Variants in LNX2 observed in about 807,000 individuals in gnomAD.
LNX2 encodes the protein ligand of Numb protein X 2.
LNX2 carries 35 observed loss-of-function variants against 66.2 expected under a neutral mutation model. The ratio of observed to expected loss-of-function variants is 0.53; its 90% CI spans 0.40 to 0.70. LNX2 has a LOEUF of 0.70. LNX2 is among the 30% of genes least tolerant of loss of function. The pLI is 0.00. For missense variants in LNX2, 791 were observed against 850.8 expected, an observed-to-expected ratio of 0.93 and a Z score of 0.87; for synonymous variants, 337 against 315.6, an observed-to-expected ratio of 1.07 and a Z score of -0.72.
At chr13:27,580,788 T>C (rs1343052787) in intron 2 of LNX2, among the ~76,000 whole-genome samples, 1 of 152,208 alleles carries the variant, frequency 6.6e-6, no homozygotes, top group Non-Finnish European at 1.5e-5. Flanking sequence ...GGCTGCATAA[T>C]ATCCCACTGA....
chr13:27,568,610 C>T (rs2138359218), intron 3 of LNX2, among the ~76,000 whole-genome samples: 1 of 152,192 alleles, frequency 6.6e-6, no homozygotes, highest in Admixed American at 6.5e-5. Context: ...ATGTTACAAG[C>T]ATCTAAATAG....
intron 5 of LNX2, among the ~76,000 whole-genome samples, chr13:27,561,476 T>A (rs894848059): frequency 6.6e-6 from 1 of 152,206 alleles, no homozygotes; most frequent in Non-Finnish European, 1.5e-5. Flanking sequence ...TAATGTTGCC[T>A]TTGATTTGAG....
chr13:27,583,239 T>TGC lies in LNX2; in HGVS notation c.-100-1437_-100-1436insGC, dbSNP rs1955435427. Among the ~76,000 whole-genome samples, 5 of 17,692 alleles carry TGC rather than the reference T, an allele frequency of 2.8e-4. 1 individual carries two copies. Among genetic ancestry groups the TGC allele is most frequent in the Admixed American group, 6.1e-4 (1 of 1,630 alleles). The allele number at this position is 17,692 out of a possible 152,430, so 11.6% of individuals were successfully genotyped here. The stretch of plus-strand genomic sequence containing the variant: ...GTGTGTGTGTGTGTGTGTGTGTGTG[T>TGC]GTGTGTGTGTGTGTGTGCGCGCGTC... On this transcript the variant is annotated intron_variant, in intron 1 of 9. Coordinates refer to ENST00000316334, the MANE Select transcript of LNX2 (RefSeq NM_153371.4).
intron 1 of LNX2, among the ~76,000 whole-genome samples, chr13:27,590,304 G>A (rs921821877): frequency 2.6e-5 from 4 of 151,736 alleles, no homozygotes; most frequent in Non-Finnish European, 5.9e-5. Context: ...GTGCAATCTC[G>A]GCTCACTGCA....
At position 27,553,203 on chromosome 13, in the gene LNX2, A is replaced by G. The variant is rs774066192; in HGVS notation, c.1778+5T>C. Reference sequence around the variant, plus strand: ...TCCATAAAGCAACAAGAAAGCGCTCAGTACCTGGGAAGCCCAAGCCACATG... The same window carrying G: ...TCCATAAAGCAACAAGAAAGCGCTCGGTACCTGGGAAGCCCAAGCCACATG... On this transcript the variant is annotated splice_donor_5th_base_variant and intron_variant, in intron 8 of 9. Coordinates refer to ENST00000316334, the MANE Select transcript of LNX2 (RefSeq NM_153371.4). 24 of 1,612,686 alleles carry G rather than the reference A, an allele frequency of 1.5e-5. No homozygotes were observed. In the Admixed American group the frequency reaches 4.0e-4, roughly 27 times the overall value.
At chr13:27,565,580 G>A (rs1955194713) in intron 4 of LNX2, among the ~76,000 whole-genome samples, 1 of 152,184 alleles carries the variant, frequency 6.6e-6, no homozygotes, top group Non-Finnish European at 1.5e-5. Flanking sequence ...TGCAGCTAAA[G>A]TACTAATATC....
At chr13:27,604,893 T>C (rs1035833233) in intron 1 of LNX2, among the ~76,000 whole-genome samples, 1 of 150,766 alleles carries the variant, frequency 6.6e-6, no homozygotes, top group African/African-American at 2.4e-5. Context: ...GGTGCTGACC[T>C]ACTGAATTTT....
intron 6 of LNX2, among the ~76,000 whole-genome samples, chr13:27,556,700 G>A (rs1416946857): frequency 6.6e-6 from 1 of 152,140 alleles, no homozygotes; most frequent in East Asian, 1.9e-4. Flanking sequence ...TAATTTGTTT[G>A]AGCTTCATGT....
intron 1 of LNX2, among the ~76,000 whole-genome samples, chr13:27,600,840 T>C (rs1005982804): frequency 6.6e-6 from 1 of 152,200 alleles, no homozygotes; most frequent in Admixed American, 6.5e-5. Flanking sequence ...CCAATCACAG[T>C]AGCCAGGGAC....
chr13:27,583,126 T>G (rs1026631537), intron 1 of LNX2, among the ~76,000 whole-genome samples: 1 of 150,948 alleles, frequency 6.6e-6, no homozygotes, highest in African/African-American at 2.4e-5. Context: ...TTTCACCTCA[T>G]AGTATTCCAT....
At chr13:27,589,566 A>C (rs1955526556) in intron 1 of LNX2, among the ~76,000 whole-genome samples, 1 of 151,768 alleles carries the variant, frequency 6.6e-6, no homozygotes, top group Non-Finnish European at 1.5e-5. Flanking sequence ...AAAATTTTAA[A>C]CCCCCTTCAC....
At chr13:27,558,214 C>T (rs1955086823) in intron 6 of LNX2, among the ~76,000 whole-genome samples, 1 of 151,052 alleles carries the variant, frequency 6.6e-6, no homozygotes, top group African/African-American at 2.5e-5. Flanking sequence ...CCTAGGAGAC[C>T]TTTACTTTTC....
chr13:27,571,047 G>T (rs1299287195), intron 2 of LNX2, among the ~76,000 whole-genome samples: 2 of 152,092 alleles, frequency 1.3e-5, no homozygotes, highest in African/African-American at 2.4e-5. Context: ...AGGAACTAAA[G>T]AAAAATATTA....
chr13:27,567,455 GA>G (rs937565752), intron 4 of LNX2, among the ~76,000 whole-genome samples, 184 bp downstream of exon 4: 5 of 151,832 alleles, frequency 3.3e-5, no homozygotes, highest in African/African-American at 7.3e-5. Context: ...AAGATAGGAA[GA>G]AAAAATACTC....
At chr13:27,583,724 G>A (rs191781324) in intron 1 of LNX2, among the ~76,000 whole-genome samples, 37 of 152,278 alleles carry the variant, frequency 2.4e-4, no homozygotes, top group African/African-American at 7.7e-4. Flanking sequence ...ATTTACATAA[G>A]AAGAGACTCT....
chr13:27,583,236 G>GTCCTCTCCAATATAACTT (rs1444450023), intron 1 of LNX2, among the ~76,000 whole-genome samples: 11 of 21,826 alleles, frequency 5.0e-4, no homozygotes, highest in Non-Finnish European at 8.2e-4. Flanking sequence ...GTGTGTGTGT[G>GTCCTCTCCAATATAACTT]TGTGTGTGTG....
At chr13:27,600,359 G>T (rs1451975130) in intron 1 of LNX2, among the ~76,000 whole-genome samples, 1 of 152,116 alleles carries the variant, frequency 6.6e-6, no homozygotes, top group East Asian at 1.9e-4. Flanking sequence ...GACAACATGG[G>T]TACAGATATT....
chr13:27,583,360 C>T (rs539484697), intron 1 of LNX2, among the ~76,000 whole-genome samples: 42 of 152,088 alleles, frequency 2.8e-4, no homozygotes, highest in Non-Finnish European at 5.0e-4. Flanking sequence ...CAGGTTCAAG[C>T]GATTCTCCTG....
At chr13:27,619,808 T>G (rs927168625) in intron 1 of LNX2, among the ~76,000 whole-genome samples, 2 of 152,114 alleles carry the variant, frequency 1.3e-5, no homozygotes, top group African/African-American at 4.8e-5. Context: ...AAATCAAGAT[T>G]CATATTTTTA....
Sources: gnomAD v4.1 joint callset for allele counts (sites outside exome capture counted in the v4.1 genomes callset) on GRCh38, gnomAD v4.1.1 for gene constraint, MANE v1.5 for transcripts, NCBI Gene and HGNC (gene_info 2026-07-23, HGNC 2026-07-21) for gene names.